The following ORC3 variants were observed in gnomAD, a reference collection of about 807,000 sequenced individuals.
ORC3 encodes the protein homolog of latheo, Drosophila.
In ORC3, 78 loss-of-function variants were observed where a neutral mutation model predicts 100.7. That is an observed-to-expected ratio of 0.77 (90% CI 0.65 to 0.94). ORC3 has a LOEUF of 0.94. Ranked by LOEUF, ORC3 falls within the 40% of genes least tolerant of loss-of-function variation. The probability of loss-of-function intolerance (pLI) is 0.00; values close to 1 mark genes in which losing one functional copy is unlikely to be tolerated. For synonymous variants in ORC3, 295 were observed against 289.3 expected (o/e 1.02, Z -0.20); for missense variants, 789 against 823.9 (o/e 0.96, Z 0.52).
chr6:87,590,180 C>T lies in ORC3; in HGVS notation c.12C>T (p.Ser4=). ...GAGTCAGTAAGACCATGGCTACGTCCTCGATGTCTAAGGTATGTGGTGGCC... is the reference window on the plus strand; with the variant it reads ...GAGTCAGTAAGACCATGGCTACGTCTTCGATGTCTAAGGTATGTGGTGGCC... The part of the protein sequence containing the change: MAT[S]SMSKGCFVFK... Residue 4 remains serine, a synonymous_variant, in exon 1 of 20, where the codon TCC becomes TCT. Coordinates refer to ENST00000392844, the MANE Select transcript of ORC3 (RefSeq NM_012381.4). 1.2e-6 allele frequency: 2 copies of T among 1,614,096 alleles called. No homozygotes were observed. The highest frequency in any genetic ancestry group is 1.7e-6 in the Non-Finnish European group (2 of 1,179,898).
chr6:87,618,105 A>G (rs1009740361), intron 9 of ORC3, among the ~76,000 whole-genome samples: 1 of 152,228 alleles, frequency 6.6e-6, no homozygotes, highest in African/African-American at 2.4e-5. Flanking sequence ...AACCCTGAAG[A>G]TACAGATAAA....
At chr6:87,614,818 T>C (rs1250058114) in intron 8 of ORC3, among the ~76,000 whole-genome samples, 1 of 152,210 alleles carries the variant, frequency 6.6e-6, no homozygotes, top group Non-Finnish European at 1.5e-5. Context: ...CATATCATTA[T>C]CAGCATTTTG....
At chr6:87,663,803 C>T (rs1210704878) in intron 17 of ORC3, among the ~76,000 whole-genome samples, 2 of 152,168 alleles carry the variant, frequency 1.3e-5, no homozygotes, top group African/African-American at 4.8e-5. Flanking sequence ...TTTAAACATT[C>T]AATAAGCTGT....
intron 16 of ORC3, among the ~76,000 whole-genome samples, chr6:87,660,185 CTT>C (rs1258251150): frequency 6.6e-6 from 1 of 152,202 alleles, no homozygotes; most frequent in Non-Finnish European, 1.5e-5. Context: ...ATATGTCTGA[CTT>C]TTTACCTTTC....
intron 8 of ORC3, among the ~76,000 whole-genome samples, chr6:87,615,168 G>A (rs757096804): frequency 4.6e-5 from 7 of 152,194 alleles, no homozygotes; most frequent in Non-Finnish European, 8.8e-5. Context: ...CAAAGAGAGA[G>A]AGCTTGTGCA....
intron 6 of ORC3, among the ~76,000 whole-genome samples, chr6:87,608,803 A>G (rs1352047117): frequency 2.6e-5 from 4 of 152,182 alleles, no homozygotes; most frequent in Non-Finnish European, 4.4e-5. Flanking sequence ...AGAAAAATCA[A>G]TTTTGTAGAA....
At chr6:87,676,615 A>G in the ORC3 span, among the ~76,000 whole-genome samples, 1 of 149,698 alleles carries the variant, frequency 6.7e-6, no homozygotes, top group Non-Finnish European at 1.5e-5. Flanking sequence ...ACACACACAC[A>G]CACACACACA....
intron 13 of ORC3, among the ~76,000 whole-genome samples, chr6:87,644,587 G>C (rs1768596443): frequency 6.6e-6 from 1 of 152,132 alleles, no homozygotes; most frequent in Admixed American, 6.5e-5. Context: ...TATAGTCCCA[G>C]CTACGAGGGA....
chr6:87,614,919 T>C (rs551556655), intron 8 of ORC3, among the ~76,000 whole-genome samples: 299 of 152,346 alleles, frequency 2.0e-3, no homozygotes, highest in African/African-American at 7.0e-3. Flanking sequence ...AACCTCTGCC[T>C]GTCATCCAGT....
At chr6:87,655,352 A>C (rs1769593753) in intron 14 of ORC3, among the ~76,000 whole-genome samples, 1 of 129,954 alleles carries the variant, frequency 7.7e-6, no homozygotes, top group Non-Finnish European at 1.7e-5. Context: ...CATCCAGCTG[A>C]ATTTTTTTTT....
chr6:87,625,836 C>G (rs1294538896), intron 11 of ORC3, among the ~76,000 whole-genome samples: 1 of 152,148 alleles, frequency 6.6e-6, no homozygotes, highest in African/African-American at 2.4e-5. Flanking sequence ...ACATTTAAGT[C>G]TTTAATCCAT....
At chr6:87,606,174 A>G (rs1309058077) in intron 5 of ORC3, among the ~76,000 whole-genome samples, 153 bp downstream of exon 5, 3 of 152,164 alleles carry the variant, frequency 2.0e-5, no homozygotes, top group Non-Finnish European at 4.4e-5. Flanking sequence ...CTCTCAGAGT[A>G]ATTGTGACTA....
chr6:87,669,617 A>T (rs1008968279), downstream of ORC3, among the ~76,000 whole-genome samples: 1 of 152,238 alleles, frequency 6.6e-6, no homozygotes, highest in East Asian at 1.9e-4. Flanking sequence ...TGATCAAAGA[A>T]TAAATTTCTC....
chr6:87,669,790 G>C (rs369759309), downstream of ORC3, among the ~76,000 whole-genome samples: 5 of 152,292 alleles, frequency 3.3e-5, no homozygotes, highest in East Asian at 9.6e-4. Flanking sequence ...TGATTTTAAT[G>C]ATTTTTCCAT....
intron 7 of ORC3, among the ~76,000 whole-genome samples, chr6:87,611,852 A>C (rs1778796857): frequency 6.6e-6 from 1 of 152,150 alleles, no homozygotes; most frequent in Non-Finnish European, 1.5e-5. Context: ...CTTATTTATA[A>C]AATGAGAGGA....
chr6:87,631,942 C>G (rs1264928617), intron 11 of ORC3, among the ~76,000 whole-genome samples: 1 of 152,108 alleles, frequency 6.6e-6, no homozygotes, highest in Non-Finnish European at 1.5e-5. Flanking sequence ...GTGGGCAGAT[C>G]ACTTGAGGTC....
At chr6:87,602,956 T>TAC (rs1778055997) in intron 3 of ORC3, among the ~76,000 whole-genome samples, 1 of 91,288 alleles carries the variant, frequency 1.1e-5, no homozygotes, top group Non-Finnish European at 2.1e-5. Context: ...ACATATATAA[T>TAC]ATATATATAT....
intron 12 of ORC3, among the ~76,000 whole-genome samples, chr6:87,635,740 T>A (rs1767767104): frequency 6.6e-6 from 1 of 151,850 alleles, no homozygotes; most frequent in African/African-American, 2.4e-5. Context: ...GAGGTTGCAC[T>A]GAGCTGAGAT....
intron 16 of ORC3, 143 bp downstream of exon 16, chr6:87,658,161 G>C: frequency 3.7e-6 from 2 of 543,308 alleles, no homozygotes; most frequent in South Asian, 4.9e-5. Context: ...ATCTAGCTTA[G>C]AGTTGTAATT....
Sources: allele counts gnomAD v4.1 joint callset (sites outside exome capture counted in the v4.1 genomes callset), GRCh38; gene constraint gnomAD v4.1.1; transcripts MANE v1.5; gene names NCBI Gene and HGNC (gene_info 2026-07-23, HGNC 2026-07-21).